Variants in RABGAP1L observed in about 807,000 individuals in gnomAD.
RABGAP1L encodes RAB GTPase activating protein 1 like.
Under a neutral mutation model 137.7 loss-of-function variants are expected in RABGAP1L, and 63 were observed. The ratio of observed to expected loss-of-function variants is 0.46; its 90% CI spans 0.37 to 0.56. The LOEUF is 0.56. Among genes scored for constraint, RABGAP1L ranks in the 20% least tolerant of loss-of-function variants. The pLI is 0.00. For synonymous variants in RABGAP1L, 431 were observed against 433.7 expected, an observed-to-expected ratio of 0.99 and a Z score of 0.08; for missense variants, 1,095 against 1,244.0, an observed-to-expected ratio of 0.88 and a Z score of 1.80.
chr1:174,562,707 AC>A (rs1667305373), intron 13 of RABGAP1L, among the ~76,000 whole-genome samples: 1 of 152,204 alleles, frequency 6.6e-6, no homozygotes. Context: ...CTTTGCAAGT[AC>A]ATGGATGAAG....
At chr1:174,371,146 G>T (rs1337773035) in intron 12 of RABGAP1L, 74 bp downstream of exon 12, 2 of 802,236 alleles carry the variant, frequency 2.5e-6, no homozygotes, top group Non-Finnish European at 3.9e-6. Flanking sequence ...TAAAATCTGT[G>T]TGTTAAAATA....
chr1:174,320,612 G>T (rs1679871859), intron 11 of RABGAP1L, among the ~76,000 whole-genome samples: 1 of 152,074 alleles, frequency 6.6e-6, no homozygotes, highest in Non-Finnish European at 1.5e-5. Flanking sequence ...ACATACATTA[G>T]TTCCCCAAAT....
At chr1:174,256,382 A>G (rs1673124581) in intron 7 of RABGAP1L, among the ~76,000 whole-genome samples, 1 of 152,136 alleles carries the variant, frequency 6.6e-6, no homozygotes, top group African/African-American at 2.4e-5. Flanking sequence ...CTTGATGATG[A>G]TGATGTTAAT....
intron 13 of RABGAP1L, among the ~76,000 whole-genome samples, chr1:174,588,289 G>T (rs1308263133): frequency 6.6e-6 from 1 of 151,932 alleles, no homozygotes; most frequent in Non-Finnish European, 1.5e-5. Flanking sequence ...TCAGCCTCCT[G>T]AGTAGCCAAG....
intron 13 of RABGAP1L, among the ~76,000 whole-genome samples, chr1:174,612,457 C>A (rs1490789585): frequency 6.6e-6 from 1 of 152,172 alleles, no homozygotes; most frequent in Non-Finnish European, 1.5e-5. Context: ...ATTCGGTTTG[C>A]CAGTATTTTA....
Position 174,867,539 on chromosome 1 carries a change from CTT to C in RABGAP1L, c.2340+55582_2340+55583del, listed in dbSNP as rs745581794. Among the ~76,000 whole-genome samples, 11 of 152,260 alleles carry C rather than the reference CTT, an allele frequency of 7.2e-5. No individual in the cohort carries two copies. In the East Asian group the frequency reaches 2.1e-3, roughly 29 times the overall value. ...TTCAAAAGTGAATTGAATCTCCTGT[CTT>C]TTCTCTTGCTTTCATTTGTGACAAA... On this transcript the variant is annotated intron_variant, in intron 19 of 25. Transcript: ENST00000681986.
intron 20 of RABGAP1L, chr1:174,964,851 T>G (rs1669474546): frequency 1.4e-6 from 2 of 1,432,938 alleles, no homozygotes; most frequent in Non-Finnish European, 1.8e-6. Flanking sequence ...AAAAGAGCAT[T>G]AAGAAGTGTC....
intron 8 of RABGAP1L, among the ~76,000 whole-genome samples, chr1:174,274,399 T>C (rs1351299159): frequency 6.6e-6 from 1 of 152,158 alleles, no homozygotes; most frequent in Non-Finnish European, 1.5e-5. Flanking sequence ...TTTCTGTGTT[T>C]AGGTACACAA....
intron 19 of RABGAP1L, among the ~76,000 whole-genome samples, chr1:174,823,870 G>A (rs146014483): frequency 1.4e-3 from 210 of 152,278 alleles, no homozygotes; most frequent in African/African-American, 4.7e-3. Flanking sequence ...AATTGGCTGG[G>A]TAAGTGGCTC....
At chr1:174,391,401 C>G (rs1295213889) in intron 12 of RABGAP1L, among the ~76,000 whole-genome samples, 1 of 152,180 alleles carries the variant, frequency 6.6e-6, no homozygotes, top group Non-Finnish European at 1.5e-5. Flanking sequence ...CATTTGGTCT[C>G]AACCTCTGAG....
chr1:174,664,730 CTTTCTTTTTTT>C lies in RABGAP1L; in HGVS notation c.1825-18788_1825-18778del, dbSNP rs1407128388. ...CTCTCTCTTTCTTTCTTTCTTTCTG[CTTTCTTTTTTT>C]TTTTTTTTTTTTTTGACAGAGTTTT... is the stretch of plus-strand genomic sequence containing the variant. On this transcript the variant is annotated intron_variant, in intron 14 of 25. Transcript: ENST00000681986. 4.9e-3 allele frequency among the ~76,000 whole-genome samples: 482 copies of C among 98,906 alleles called. 16 individuals are homozygous for C. The highest frequency in any genetic ancestry group is 0.029 in the African/African-American group (456 of 15,674). The allele number at this position is 98,906 out of a possible 152,430, so 64.9% of individuals were successfully genotyped here.
intron 11 of RABGAP1L, among the ~76,000 whole-genome samples, chr1:174,347,260 G>A (rs1234588821): frequency 6.6e-6 from 1 of 152,126 alleles, no homozygotes; most frequent in Non-Finnish European, 1.5e-5. Context: ...TAAGTTCCAT[G>A]TTTCTTTATT....
At chr1:174,613,582 G>C (rs1486280240) in intron 13 of RABGAP1L, among the ~76,000 whole-genome samples, 1 of 152,160 alleles carries the variant, frequency 6.6e-6, no homozygotes, top group Admixed American at 6.5e-5. Flanking sequence ...TCTGCTTGGT[G>C]CAGAGCTGAG....
intron 13 of RABGAP1L, among the ~76,000 whole-genome samples, chr1:174,511,732 C>A (rs1477024022): frequency 1.3e-5 from 2 of 151,872 alleles, no homozygotes; most frequent in Non-Finnish European, 2.9e-5. Context: ...AAGCAATTCT[C>A]CTGCCTCAGC....
intron 1 of RABGAP1L, 143 bp from the exon 2 acceptor site, chr1:174,218,982 C>A: frequency 8.1e-6 from 5 of 619,198 alleles, no homozygotes; most frequent in Non-Finnish European, 1.3e-5. Context: ...AAGAAGGTAG[C>A]CTCCCTAACT....
chr1:174,972,113 C>A (rs1244403492), intron 21 of RABGAP1L, among the ~76,000 whole-genome samples: 1 of 152,182 alleles, frequency 6.6e-6, no homozygotes, highest in Non-Finnish European at 1.5e-5. Context: ...TGCAACATCT[C>A]CATTTCAGTT....
chr1:174,776,512 T>C lies in RABGAP1L; in HGVS notation c.2211+24158T>C, dbSNP rs76271937. Among the ~76,000 whole-genome samples the C allele has an allele frequency of 1.5e-3, 230 of 152,356 alleles. 1 individual carries two copies. The highest frequency in any genetic ancestry group is 5.6e-3 in the East Asian group (29 of 5,190). On this transcript the variant is annotated intron_variant, in intron 18 of 25. Coordinates refer to ENST00000681986, the MANE Select transcript of RABGAP1L (RefSeq NM_001366446.1). ...TTGTGTTAGTGATCAAACAAATGACTCTTTTTTAGGCCAATTTTGATTTCT... is the reference window on the plus strand; with the variant it reads ...TTGTGTTAGTGATCAAACAAATGACCCTTTTTTAGGCCAATTTTGATTTCT...
intron 19 of RABGAP1L, chr1:174,934,854 T>C (rs1349559624): frequency 6.6e-6 from 1 of 152,202 alleles, no homozygotes; most frequent in Non-Finnish European, 1.5e-5. Context: ...ATTTTACTTA[T>C]ATATAGACAT....
intron 13 of RABGAP1L, among the ~76,000 whole-genome samples, chr1:174,528,323 A>C (rs1200259671): frequency 6.6e-6 from 1 of 151,848 alleles, no homozygotes; most frequent in Non-Finnish European, 1.5e-5. Context: ...GCGTATTTTC[A>C]TGATGGTAGA....
Sources: gnomAD v4.1 joint callset for allele counts (sites outside exome capture counted in the v4.1 genomes callset) on GRCh38, gnomAD v4.1.1 for gene constraint, MANE v1.5 for transcripts, NCBI Gene and HGNC (gene_info 2026-07-23, HGNC 2026-07-21) for gene names.